UNC79: variants seen among roughly 807,000 people sequenced by gnomAD.
UNC79 encodes unc-79 subunit of NALCN channel complex.
A neutral mutation model predicts 283.1 loss-of-function variants in UNC79; 37 were observed. The observed-to-expected ratio is 0.13, with a 90% CI of 0.10 to 0.17. The LOEUF is 0.17. Ranked by LOEUF, UNC79 falls within the 10% of genes least tolerant of loss-of-function variation. The probability of loss-of-function intolerance (pLI) is 1.00; values close to 1 mark genes in which losing one functional copy is unlikely to be tolerated. For missense variants in UNC79, 2,272 were observed against 3,211.1 expected, an observed-to-expected ratio of 0.71 and a Z score of 7.07; for synonymous variants, 1,107 against 1,200.2, an observed-to-expected ratio of 0.92 and a Z score of 1.61.
At position 93,599,353 on chromosome 14, in the gene UNC79, AGTGTGTGTGT is replaced by A. The variant is rs56758207; in HGVS notation, c.3373-1193_3373-1184del. The stretch of plus-strand genomic sequence containing the variant: ...ATTTATAATACAGTCCACATACTTA[AGTGTGTGTGT>A]GTGTGTGTGTGTGTGTGTGTGTATG... On this transcript the variant is annotated intron_variant, in intron 24 of 48. Coordinates refer to ENST00000555664, the Ensembl canonical transcript of UNC79. Among the ~76,000 whole-genome samples the A allele has an allele frequency of 6.3e-3, 935 of 148,098 alleles. 5 individuals carry two copies. Among genetic ancestry groups the A allele is most frequent in the Middle Eastern group, 0.049 (14 of 286 alleles).
At chr14:93,622,188 T>A in exon 30 of UNC79, 1 of 1,614,122 alleles carries the variant, frequency 6.2e-7, no homozygotes, top group Non-Finnish European at 8.5e-7. Context: ...GAGGAGACGA[T>A]GAACCAAGGC....
rs771944913 is a variant in UNC79 at position 93,580,345 on chromosome 14, G to A, written c.2630G>A (p.Arg877Lys). 3.1e-6 allele frequency: 5 copies of A among 1,613,990 alleles called. No individual in the cohort carries two copies. In the South Asian group the frequency reaches 3.3e-5, roughly 11 times the overall value. ...CAGCTTGCTTGTGAACTCCTGGAGA[G>A]ACTAGCTCCTAAAGAAGAAAGCCGG... is the stretch of plus-strand genomic sequence containing the variant. Residue 877 changes from arginine to lysine, a missense_variant, in exon 19 of 49, where the codon AGA becomes AAA. Transcript: ENST00000555664.
chr14:93,700,285 A>G (rs1409311303), intron 47 of UNC79, among the ~76,000 whole-genome samples: 1 of 151,946 alleles, frequency 6.6e-6, no homozygotes, highest in Admixed American at 6.6e-5. Context: ...GGGTTTGGTG[A>G]GCTTCTTGAA....
At chr14:93,378,658 C>G (rs1281969904) in intron 1 of UNC79, among the ~76,000 whole-genome samples, 2 of 152,094 alleles carry the variant, frequency 1.3e-5, no homozygotes, top group Non-Finnish European at 2.9e-5. Flanking sequence ...AATTGTAGCT[C>G]TATTTTAATT....
intron 7 of UNC79, among the ~76,000 whole-genome samples, chr14:93,513,374 A>G (rs2059918876): frequency 6.6e-6 from 1 of 151,852 alleles, no homozygotes; most frequent in Non-Finnish European, 1.5e-5. Flanking sequence ...GGCATGACCA[A>G]CACACCTGGC....
chr14:93,383,369 G>A (rs1490321068), intron 1 of UNC79, among the ~76,000 whole-genome samples: 1 of 152,124 alleles, frequency 6.6e-6, no homozygotes. Context: ...TAATCTACAG[G>A]CATACCCTGA....
intron 2 of UNC79, among the ~76,000 whole-genome samples, chr14:93,469,061 A>G (rs952697950): frequency 1.3e-5 from 2 of 152,228 alleles, no homozygotes; most frequent in African/African-American, 4.8e-5. Context: ...TCAAAGCGAG[A>G]GACACTTTTC....
intron 7 of UNC79, among the ~76,000 whole-genome samples, chr14:93,512,919 C>T (rs1194999200): frequency 2.0e-5 from 3 of 151,948 alleles, no homozygotes; most frequent in Non-Finnish European, 4.4e-5. Context: ...TTTCACATGT[C>T]TTGTAAATTT....
At chr14:93,346,960 T>G (rs1244466072) in intron 1 of UNC79, among the ~76,000 whole-genome samples, 1 of 136,116 alleles carries the variant, frequency 7.3e-6, no homozygotes, top group African/African-American at 2.9e-5. Flanking sequence ...CTGAAGAGAG[T>G]GGAGCAGAGC....
intron 10 of UNC79, among the ~76,000 whole-genome samples, chr14:93,529,749 G>C (rs147310246): frequency 2.6e-5 from 4 of 152,114 alleles, no homozygotes; most frequent in East Asian, 1.9e-4. Flanking sequence ...ACCATGTTGT[G>C]GGGGGGAAAT....
chr14:93,705,708 C>T (rs2075833082), intron 48 of UNC79, among the ~76,000 whole-genome samples: 1 of 152,234 alleles, frequency 6.6e-6, no homozygotes, highest in Non-Finnish European at 1.5e-5. Flanking sequence ...CTGGGCGTGA[C>T]TTAAGATGGC....
chr14:93,550,533 A>AAAAAG (rs2061835384), intron 14 of UNC79, among the ~76,000 whole-genome samples: 1 of 122,572 alleles, frequency 8.2e-6, no homozygotes, highest in Non-Finnish European at 1.6e-5. Flanking sequence ...AAAAAAAAAA[A>AAAAAG]AAAAAAAAGA....
rs779331632 is a variant in UNC79, at chr14:93,641,126, C to G, written c.5801-19C>G. 5 of 1,609,036 alleles carry G rather than the reference C, an allele frequency of 3.1e-6. No individual in the cohort carries two copies. The highest frequency in any genetic ancestry group is 1.7e-4 in the Middle Eastern group (1 of 6,048). On this transcript the variant is annotated intron_variant, in intron 32 of 48. Transcript: ENST00000555664. ...AAGCTCATCTATATTCACTGGTTGT[C>G]CCTTTGCTGCTTACCCAGGTGCCAC...
At chr14:93,335,424 A>G (rs1432318944) in intron 1 of UNC79, among the ~76,000 whole-genome samples, 1 of 152,264 alleles carries the variant, frequency 6.6e-6, no homozygotes, top group Non-Finnish European at 1.5e-5. Context: ...TAAAAAATAA[A>G]TGGATCTTTG....
At chr14:93,385,767 A>G (rs1189797928) in intron 1 of UNC79, among the ~76,000 whole-genome samples, 1 of 150,892 alleles carries the variant, frequency 6.6e-6, no homozygotes, top group Non-Finnish European at 1.5e-5. Flanking sequence ...TGATGGAGCA[A>G]GACTGTCCCC....
intron 31 of UNC79, 97 bp downstream of exon 34, chr14:93,634,734 C>A: frequency 8.4e-7 from 1 of 1,185,968 alleles, no homozygotes. Flanking sequence ...TAGATTTTCT[C>A]TCATGTTCTT....
chr14:93,704,462 C>T (rs1373361680), intron 47 of UNC79, among the ~76,000 whole-genome samples, 163 bp from the exon 51 acceptor site: 3 of 152,180 alleles, frequency 2.0e-5, no homozygotes, highest in African/African-American at 7.2e-5. Flanking sequence ...GGGGTTTGGC[C>T]TCAGAAAGAC....
At chr14:93,535,947 A>G (rs918993795) in intron 11 of UNC79, among the ~76,000 whole-genome samples, 1 of 152,178 alleles carries the variant, frequency 6.6e-6, no homozygotes, top group Non-Finnish European at 1.5e-5. Flanking sequence ...GCCTCTGGTC[A>G]CAGATTATTT....
At position 93,447,773 on chromosome 14, in the gene UNC79, G is replaced by GT. The variant is rs534476860; in HGVS notation, c.22+16732dup. Among the ~76,000 whole-genome samples the GT allele has an allele frequency of 2.9e-3, 428 of 148,992 alleles. 4 individuals carry two copies. The highest frequency in any genetic ancestry group is 0.025 in the South Asian group (116 of 4,720). On this transcript the variant is annotated intron_variant, in intron 1 of 48. Transcript: ENST00000555664. ...CTGAATACAGGATTTTGCTTCGACA[G>GT]TTTTTTTTTTCCTTTGAGTACTTTA...
Sources: gnomAD v4.1 joint callset for allele counts (sites outside exome capture counted in the v4.1 genomes callset) on GRCh38, gnomAD v4.1.1 for gene constraint, MANE v1.5 for transcripts, NCBI Gene and HGNC (gene_info 2026-07-23, HGNC 2026-07-21) for gene names.